ADCY2: variants seen among roughly 807,000 people sequenced by gnomAD.
ADCY2 encodes the protein adenylate cyclase 2, also known as adenylate cyclase type 2.
Under a neutral mutation model 125.2 loss-of-function variants are expected in ADCY2, and 31 were observed. The observed-to-expected ratio is 0.25, with a 90% CI of 0.19 to 0.33. The LOEUF is 0.33. Among genes scored for constraint, ADCY2 ranks in the 10% least tolerant of loss-of-function variants. The probability of loss-of-function intolerance (pLI) is 1.00; values close to 1 mark genes in which losing one functional copy is unlikely to be tolerated. For missense variants in ADCY2, 904 were observed against 1,418.2 expected, an observed-to-expected ratio of 0.64 and a Z score of 5.82; for synonymous variants, 512 against 548.4, an observed-to-expected ratio of 0.93 and a Z score of 0.93.
intron 3 of ADCY2, among the ~76,000 whole-genome samples, chr5:7,557,421 T>C (rs1403150468): frequency 6.6e-6 from 1 of 152,086 alleles, no homozygotes; most frequent in East Asian, 1.9e-4. Context: ...AGGTTTGTTA[T>C]ATAGGTAAAC....
At chr5:7,682,847 A>G (rs1485874888) in intron 4 of ADCY2, among the ~76,000 whole-genome samples, 2 of 152,224 alleles carry the variant, frequency 1.3e-5, no homozygotes, top group African/African-American at 4.8e-5. Context: ...ATAGACAACA[A>G]TAATTTGCAT....
chr5:7,602,037 A>G (rs2126636296), intron 3 of ADCY2, among the ~76,000 whole-genome samples: 1 of 152,046 alleles, frequency 6.6e-6, no homozygotes, highest in South Asian at 2.1e-4. Flanking sequence ...CATCACTGCA[A>G]CCTCTGTCTG....
At chr5:7,674,053 G>A (rs544764406) in intron 4 of ADCY2, among the ~76,000 whole-genome samples, 1 of 131,426 alleles carries the variant, frequency 7.6e-6, no homozygotes, top group East Asian at 2.3e-4. Context: ...GCTGGCAGGG[G>A]CCTCAGAGGG....
At chr5:7,768,883 A>G (rs1369318239) in intron 17 of ADCY2, among the ~76,000 whole-genome samples, 5 of 152,178 alleles carry the variant, frequency 3.3e-5, no homozygotes, top group Non-Finnish European at 5.9e-5. Context: ...CCCAGAAACC[A>G]CATTGTGAAC....
At chr5:7,466,139 A>G (rs1358645391) in intron 2 of ADCY2, among the ~76,000 whole-genome samples, 1 of 152,236 alleles carries the variant, frequency 6.6e-6, no homozygotes, top group Non-Finnish European at 1.5e-5. Context: ...ATGATAAATT[A>G]TTAGCAATAT....
At position 7,704,858 on chromosome 5, in the gene ADCY2, A is replaced by G. The variant is rs112124162; in HGVS notation, c.1110-1886A>G. Among the ~76,000 whole-genome samples the G allele has an allele frequency of 8.1e-3, 1,222 of 151,444 alleles. 6 individuals are homozygous for G. Among genetic ancestry groups the G allele is most frequent in the Non-Finnish European group, 0.011 (757 of 67,834 alleles). ...ACGCCACTGCACTCCAACCTGGGTGACAGAGTGAGACTCCATCTCCAAAAA... is the reference window on the plus strand; with the variant it reads ...ACGCCACTGCACTCCAACCTGGGTGGCAGAGTGAGACTCCATCTCCAAAAA... On this transcript the variant is annotated intron_variant, in intron 7 of 24. Coordinates refer to ENST00000338316, the MANE Select transcript of ADCY2 (RefSeq NM_020546.3).
intron 22 of ADCY2, 36 bp from the exon 23 acceptor site, chr5:7,816,830 T>C (rs1319892447): frequency 6.4e-7 from 1 of 1,564,364 alleles, no homozygotes; most frequent in East Asian, 2.2e-5. Context: ...GCTGTGATGC[T>C]CTAACTTCCA....
chr5:7,755,985 G>A (rs1742980575), intron 15 of ADCY2, among the ~76,000 whole-genome samples: 1 of 152,180 alleles, frequency 6.6e-6, no homozygotes, highest in Non-Finnish European at 1.5e-5. Context: ...ATCGATCAAA[G>A]GGCATAATTT....
chr5:7,448,571 A>C (rs10462839), intron 2 of ADCY2, among the ~76,000 whole-genome samples: 42,443 of 151,836 alleles, frequency 0.28, 6,670 homozygotes, highest in East Asian at 0.58. Context: ...TGCTGCACAG[A>C]TCTTCCCATC....
chr5:7,700,066 AC>A (rs1741029962), intron 7 of ADCY2, among the ~76,000 whole-genome samples: 1 of 152,258 alleles, frequency 6.6e-6, no homozygotes, highest in Admixed American at 6.5e-5. Flanking sequence ...CTGTGGCTTC[AC>A]ACACATTGTA....
intron 2 of ADCY2, among the ~76,000 whole-genome samples, chr5:7,424,698 A>ATT (rs1740324934): frequency 1.3e-5 from 2 of 152,198 alleles, no homozygotes; most frequent in African/African-American, 4.8e-5. Context: ...ATTTGGAGGT[A>ATT]TTTTTCACTC....
chr5:7,621,203 T>C (rs1000408837), intron 3 of ADCY2, among the ~76,000 whole-genome samples: 5 of 152,198 alleles, frequency 3.3e-5, no homozygotes, highest in African/African-American at 9.7e-5. Flanking sequence ...TTGTGCCTCA[T>C]GACCTGGATG....
At position 7,396,917 on chromosome 5, in the gene ADCY2, T is replaced by C. The variant is rs1242767705; in HGVS notation, c.210+411T>C. Among the ~76,000 whole-genome samples the C allele has an allele frequency of 6.6e-6, 1 of 152,236 alleles. No individual in the cohort carries two copies. The highest frequency in any genetic ancestry group is 1.5e-5 in the Non-Finnish European group (1 of 68,026). ...GTCGCTGTCTCCTGCCCGGTTCCACTGGCATGGCCCCACAGTTGGCATTTT... is the reference window on the plus strand; with the variant it reads ...GTCGCTGTCTCCTGCCCGGTTCCACCGGCATGGCCCCACAGTTGGCATTTT... On this transcript the variant is annotated intron_variant, in intron 1 of 24. Transcript: ENST00000338316. The surrounding 1 kb of genome is among the most constrained non-coding windows in gnomAD (Gnocchi z 5.7).
intron 12 of ADCY2, among the ~76,000 whole-genome samples, chr5:7,721,412 T>C (rs1313426614): frequency 6.6e-6 from 1 of 152,244 alleles, no homozygotes. Flanking sequence ...TTAGCATCCA[T>C]TTGTCAATTT....
rs943435690 is a variant in ADCY2, at chr5:7,826,986, T to A, written c.*115T>A. The A allele has an allele frequency of 7.7e-7, 1 of 1,295,160 alleles. No homozygotes were observed. The highest frequency in any genetic ancestry group is 1.5e-5 in the African/African-American group (1 of 67,426). 80.2% of individuals were successfully genotyped at this position (1,295,160 alleles called of 1,614,324 possible). On this transcript the variant is annotated 3_prime_UTR_variant, in exon 25 of 25. Coordinates refer to ENST00000338316, the MANE Select transcript of ADCY2 (RefSeq NM_020546.3). The stretch of plus-strand genomic sequence containing the variant: ...TGCGTGCTGTCTGTCCTATGGAGCC[T>A]CTGCAGACTCGTTCTCGTGACCCAG...
rs1243069381 is a variant in ADCY2 at position 7,829,328 on chromosome 5, C to T, written c.*2457C>T. 3 of 152,650 alleles carry T rather than the reference C, an allele frequency of 2.0e-5. No individual in the cohort carries two copies. The East Asian group carries it at 5.8e-4, about 29-fold the overall frequency. 9.5% of individuals were successfully genotyped at this position (152,650 alleles called of 1,614,324 possible). A position where few individuals can be genotyped will look rare whatever the true frequency, so the allele number is the denominator to read the frequency against. On this transcript the variant is annotated 3_prime_UTR_variant, in exon 25 of 25. Transcript: ENST00000338316. ...GTTTTTGCAGGTGAGGAAACAGGGGCAGAGTAATTCAGGCACATGTGTTCA... is the reference window on the plus strand; with the variant it reads ...GTTTTTGCAGGTGAGGAAACAGGGGTAGAGTAATTCAGGCACATGTGTTCA...
intron 2 of ADCY2, among the ~76,000 whole-genome samples, chr5:7,479,784 C>T (rs1291447625): frequency 1.3e-5 from 2 of 152,148 alleles, no homozygotes; most frequent in African/African-American, 4.8e-5. Context: ...TCCTTTTACT[C>T]TCTAGCTTCA....
chr5:7,582,881 T>C (rs528565626), intron 3 of ADCY2, among the ~76,000 whole-genome samples: 1 of 152,136 alleles, frequency 6.6e-6, no homozygotes, highest in South Asian at 2.1e-4. Context: ...AGAAAGAAAA[T>C]GGCATAAAAC....
intron 3 of ADCY2, among the ~76,000 whole-genome samples, chr5:7,595,817 G>C (rs1220039684): frequency 6.6e-6 from 1 of 152,094 alleles, no homozygotes; most frequent in African/African-American, 2.4e-5. Flanking sequence ...CAATGTAAAT[G>C]CCATGTAAAT....
Sources: gnomAD v4.1 joint callset for allele counts (sites outside exome capture counted in the v4.1 genomes callset) on GRCh38, gnomAD v4.1.1 for gene constraint, Gnocchi (gnomAD v3.1) non-coding constraint, MANE v1.5 for transcripts, NCBI Gene and HGNC (gene_info 2026-07-23, HGNC 2026-07-21) for gene names.